VCL: variants seen among roughly 807,000 people sequenced by gnomAD.
VCL encodes the protein vinculin.
Under a neutral mutation model 125.7 loss-of-function variants are expected in VCL, and 47 were observed. That is an observed-to-expected ratio of 0.37 (90% CI 0.30 to 0.48). The LOEUF (loss-of-function observed/expected upper bound fraction) is 0.48. VCL is among the 20% of genes least tolerant of loss of function. The probability of loss-of-function intolerance (pLI) is 0.99; values close to 1 mark genes in which losing one functional copy is unlikely to be tolerated. For synonymous variants in VCL, 458 were observed against 514.6 expected, an observed-to-expected ratio of 0.89 and a Z score of 1.49; for missense variants, 1,069 against 1,455.5, an observed-to-expected ratio of 0.73 and a Z score of 4.32.
rs747488087 is a variant in VCL at position 74,071,104 on chromosome 10, A to C, written c.499+21A>C. On this transcript the variant is annotated intron_variant, in intron 4 of 21. Coordinates refer to ENST00000211998, the MANE Select transcript of VCL (RefSeq NM_014000.3). This position sits in a 1 kb window ranked among gnomAD's most constrained non-coding sequence, Gnocchi z 4.1. Reference sequence around the variant, plus strand: ...GCCAGGTTAGTTTTATCCAATTTCTATAACATTTTTTAAGGATTGTCCATG... The same window carrying C: ...GCCAGGTTAGTTTTATCCAATTTCTCTAACATTTTTTAAGGATTGTCCATG... 1.2e-6 allele frequency: 2 copies of C among 1,609,776 alleles called. No individual in the cohort carries two copies. The highest frequency in any genetic ancestry group is 1.7e-6 in the Non-Finnish European group (2 of 1,176,174).
Position 74,052,709 on chromosome 10 carries a change from A to AT in VCL, c.239+9562dup, listed in dbSNP as rs1382103235. 2.0e-5 allele frequency among the ~76,000 whole-genome samples: 3 copies of AT among 149,338 alleles called. No homozygotes were observed. The East Asian group carries it at 5.9e-4, about 29-fold the overall frequency. On this transcript the variant is annotated intron_variant, in intron 2 of 21. Coordinates refer to ENST00000211998, the MANE Select transcript of VCL (RefSeq NM_014000.3). ...TACTTTTTAAGCTTTTCTCAGAGATATTTTTTATCTAATTTGTAGTCTTCT... is the reference window on the plus strand; with the variant it reads ...TACTTTTTAAGCTTTTCTCAGAGATATTTTTTTATCTAATTTGTAGTCTTCT...
intron 2 of VCL, 138 bp from the exon 3 acceptor site, chr10:74,070,532 C>A: frequency 8.2e-7 from 1 of 1,212,338 alleles, no homozygotes; most frequent in Non-Finnish European, 1.2e-6. Context: ...AACGTAGGTT[C>A]TATTATCAAT....
intron 2 of VCL, 125 bp from the exon 3 acceptor site, chr10:74,070,545 G>A (rs1841647471): frequency 1.2e-5 from 17 of 1,368,202 alleles, no homozygotes; most frequent in Non-Finnish European, 1.5e-5. Context: ...TTATCAATTG[G>A]TCTTGGCTAT....
chr10:74,002,990 A>G (rs1840256569), intron 1 of VCL, among the ~76,000 whole-genome samples: 1 of 151,244 alleles, frequency 6.6e-6, no homozygotes, highest in South Asian at 2.1e-4. Flanking sequence ...TCACTGATAT[A>G]TATATATAAA....
At chr10:74,117,984 A>G in intron 21 of VCL, 39 bp from the exon 22 acceptor site, 1 of 1,612,976 alleles carries the variant, frequency 6.2e-7, no homozygotes, top group African/African-American at 1.3e-5. Context: ...GGCCTGCATC[A>G]GGGACCCTGG....
intron 1 of VCL, among the ~76,000 whole-genome samples, chr10:74,035,630 A>G (rs1043288267): frequency 6.6e-6 from 1 of 152,260 alleles, no homozygotes; most frequent in African/African-American, 2.4e-5. Flanking sequence ...ATCTAGCCCC[A>G]AGAGTTAAAA....
chr10:74,042,536 T>G (rs549844595), intron 1 of VCL, among the ~76,000 whole-genome samples: 2 of 152,350 alleles, frequency 1.3e-5, no homozygotes, highest in South Asian at 2.1e-4. Flanking sequence ...TATATATTCT[T>G]TCTTTTTAAC....
intron 14 of VCL, among the ~76,000 whole-genome samples, chr10:74,101,939 C>G (rs1840064492): frequency 6.7e-6 from 1 of 149,232 alleles, no homozygotes; most frequent in Non-Finnish European, 1.5e-5. Context: ...AATCTCAGCT[C>G]ACTGCAGCCT....
intron 2 of VCL, among the ~76,000 whole-genome samples, chr10:74,044,110 CA>C (rs531942200): frequency 0.039 from 5,380 of 138,156 alleles, 160 homozygotes; most frequent in African/African-American, 0.09. Context: ...GACTCTGTCT[CA>C]AAAAAAAAAA....
At position 74,029,771 on chromosome 10, in the gene VCL, A is replaced by G. The variant is rs563021017; in HGVS notation, c.169-13312A>G. Among the ~76,000 whole-genome samples the G allele has an allele frequency of 6.0e-4, 92 of 152,264 alleles. 2 individuals carry two copies. Among genetic ancestry groups the G allele is most frequent in the Admixed American group, 6.0e-3 (92 of 15,300 alleles). ...CTTTAGGCCCTAGAGGTTTCTCATG[A>G]CTTTATTTATGAAGAATATTGTTGA... On this transcript the variant is annotated intron_variant, in intron 1 of 21. Coordinates refer to ENST00000211998, the MANE Select transcript of VCL (RefSeq NM_014000.3).
intron 2 of VCL, among the ~76,000 whole-genome samples, chr10:74,069,670 A>G (rs1841631540): frequency 6.6e-6 from 1 of 152,200 alleles, no homozygotes; most frequent in African/African-American, 2.4e-5. Context: ...TTTGTTCCTT[A>G]TCTTTGTAAG....
intron 14 of VCL, among the ~76,000 whole-genome samples, 161 bp downstream of exon 14, chr10:74,101,258 G>A (rs1840049883): frequency 6.6e-6 from 1 of 151,746 alleles, no homozygotes; most frequent in Admixed American, 6.5e-5. Flanking sequence ...GGGTGAGGCG[G>A]GAGGACTGCT....
chr10:74,048,887 G>A (rs1284685944), intron 2 of VCL, among the ~76,000 whole-genome samples: 1 of 152,148 alleles, frequency 6.6e-6, no homozygotes, highest in Non-Finnish European at 1.5e-5. Context: ...TTGGGAGGCC[G>A]AGGCGGGGGG....
intron 1 of VCL, among the ~76,000 whole-genome samples, chr10:74,040,192 T>C (rs986304794): frequency 1.3e-5 from 2 of 152,234 alleles, no homozygotes; most frequent in Admixed American, 6.5e-5. Context: ...TTATCTGGAA[T>C]CATACTTGTT....
intron 1 of VCL, among the ~76,000 whole-genome samples, chr10:74,040,167 G>C (rs1313502250): frequency 6.6e-6 from 1 of 152,054 alleles, no homozygotes; most frequent in East Asian, 1.9e-4. Flanking sequence ...CTTTATTATA[G>C]CATCATTCTT....
At chr10:74,094,603 C>T (rs1218944182) in intron 11 of VCL, 142 bp downstream of exon 11, 1 of 1,097,286 alleles carries the variant, frequency 9.1e-7, no homozygotes, top group Non-Finnish European at 1.4e-6. Flanking sequence ...TTTCCAAATG[C>T]AGCCAGTAAA....
chr10:74,020,110 CTA>C (rs1485342919), intron 1 of VCL, among the ~76,000 whole-genome samples: 1 of 151,430 alleles, frequency 6.6e-6, no homozygotes, highest in East Asian at 1.9e-4. Context: ...CAGGGGAGCA[CTA>C]TGTGGTTATT....
At chr10:74,046,787 T>C (rs1219313865) in intron 2 of VCL, among the ~76,000 whole-genome samples, 3 of 152,168 alleles carry the variant, frequency 2.0e-5, no homozygotes, top group Non-Finnish European at 4.4e-5. Context: ...TATGATTTGA[T>C]TGGTAAGTGG....
chr10:73,998,171 C>T lies in VCL; in HGVS notation c.-37C>T, dbSNP rs761931436. The T allele has an allele frequency of 6.2e-7, 1 of 1,605,532 alleles. No homozygotes were observed. The highest frequency in any genetic ancestry group is 1.1e-5 in the South Asian group (1 of 89,778). On this transcript the variant is annotated 5_prime_UTR_variant, in exon 1 of 22. Coordinates refer to ENST00000211998, the MANE Select transcript of VCL (RefSeq NM_014000.3). ...TCCCGGCCCCGTGGATCCTACTTCT[C>T]TGTCGCCCGCGGTTCGCCGCCCCGC...
Sources: allele counts gnomAD v4.1 joint callset (sites outside exome capture counted in the v4.1 genomes callset), GRCh38; gene constraint gnomAD v4.1.1; non-coding constraint Gnocchi (gnomAD v3.1); transcripts MANE v1.5; gene names NCBI Gene and HGNC (gene_info 2026-07-23, HGNC 2026-07-21).